FUCA1: variants seen among roughly 807,000 people sequenced by gnomAD.
FUCA1 encodes tissue alpha-L-fucosidase.
Under a neutral mutation model 56.8 loss-of-function variants are expected in FUCA1, and 52 were observed. That is an observed-to-expected ratio of 0.92 (90% CI 0.73 to 1.15). FUCA1 has a LOEUF of 1.15. Ranked by LOEUF, FUCA1 falls within the 50% of genes most tolerant of loss-of-function variation. The probability of loss-of-function intolerance (pLI) is 0.00; values close to 1 mark genes in which losing one functional copy is unlikely to be tolerated. For missense variants in FUCA1, 568 were observed against 592.6 expected (o/e 0.96, Z 0.43); for synonymous variants, 230 against 226.6 (o/e 1.02, Z -0.14).
intron 5 of FUCA1, among the ~76,000 whole-genome samples, chr1:23,849,531 G>T (rs1329203358): frequency 6.7e-6 from 1 of 148,680 alleles, no homozygotes; most frequent in Non-Finnish European, 1.5e-5. Context: ...CTATATAAAT[G>T]AACATGCTGC....
intron 6 of FUCA1, among the ~76,000 whole-genome samples, chr1:23,847,723 A>C (rs915293207): frequency 3.9e-5 from 6 of 152,078 alleles, no homozygotes; most frequent in Non-Finnish European, 8.8e-5. Flanking sequence ...TCTATTCTTT[A>C]AAAATTATCC....
intron 5 of FUCA1, among the ~76,000 whole-genome samples, chr1:23,853,440 G>A (rs1171561583): frequency 2.5e-4 from 37 of 150,756 alleles, no homozygotes; most frequent in African/African-American, 9.0e-4. Context: ...GGAGGGAGGT[G>A]GGGGGGTCAG....
At chr1:23,861,012 A>C (rs1398511630) in intron 3 of FUCA1, among the ~76,000 whole-genome samples, 1 of 151,944 alleles carries the variant, frequency 6.6e-6, no homozygotes, top group Non-Finnish European at 1.5e-5. Flanking sequence ...TCCTTTCAGC[A>C]ACTAATTCCA....
At chr1:23,861,416 T>A (rs984545857) in intron 3 of FUCA1, among the ~76,000 whole-genome samples, 32 of 149,314 alleles carry the variant, frequency 2.1e-4, no homozygotes, top group Middle Eastern at 3.2e-3. Flanking sequence ...TACACATGTA[T>A]CCTAAAACTT....
At position 23,845,740 on chromosome 1, in the gene FUCA1, G is replaced by A; in HGVS notation, c.1376C>T (p.Thr459Ile). 10 of 1,614,218 alleles carry A rather than the reference G, an allele frequency of 6.2e-6. No homozygotes were observed. The highest frequency in any genetic ancestry group is 7.6e-6 in the Non-Finnish European group (9 of 1,180,032). The change falls in exon 8 of 8, where the codon ACT (threonine) becomes ATT (isoleucine). Residue 459 changes from threonine to isoleucine, a missense_variant. Thr to Ile is a moderately conservative substitution (Grantham distance 89). Transcript: ENST00000374479. ...PSAVPAEFAWTIKLTGVK is the reference protein window; with the variant it reads ...PSAVPAEFAWIIKLTGVK ...TTACTTCACTCCTGTCAGCTTTATA[G>A]TCCAAGCAAACTCTGCGGGGACAGC...
rs372389044 is a variant in FUCA1 at position 23,859,794 on chromosome 1, A to T, written c.768+4T>A. On this transcript the variant is annotated splice_donor_region_variant and intron_variant, in intron 4 of 7. Coordinates refer to ENST00000374479, the MANE Select transcript of FUCA1 (RefSeq NM_000147.5). ...GATAAATAAGAAGTCATATAATCAC[A>T]TACCTTGACAGGGCTGTCATTGTAG... 1.9e-6 allele frequency: 3 copies of T among 1,581,202 alleles called. No homozygotes were observed. Among genetic ancestry groups the T allele is most frequent in the African/African-American group, 2.7e-5 (2 of 74,258 alleles).
At chr1:23,852,923 C>T (rs1639297006) in intron 5 of FUCA1, among the ~76,000 whole-genome samples, 1 of 151,850 alleles carries the variant, frequency 6.6e-6, no homozygotes, top group South Asian at 2.1e-4. Context: ...AGGAGCGTCT[C>T]TGCCTGGCCG....
In FUCA1 at chr1:23,867,707, T is replaced by C; in HGVS notation, c.389+191A>G. On this transcript the variant is annotated intron_variant, in intron 1 of 7. Coordinates refer to ENST00000374479, the MANE Select transcript of FUCA1 (RefSeq NM_000147.5). This position sits in a 1 kb window ranked among gnomAD's most constrained non-coding sequence, Gnocchi z 4.9. ...ATCTCCCTGAACCTTCATTTATCAG[T>C]CCCCAGTCAAACGCACCTCCTCCTC... 3 of 984,756 alleles carry C rather than the reference T, an allele frequency of 3.0e-6. No homozygotes were observed. Among genetic ancestry groups the C allele is most frequent in the Non-Finnish European group, 3.6e-6 (3 of 829,472 alleles). The allele number at this position is 984,756 out of a possible 1,614,324, so 61.0% of individuals were successfully genotyped here.
At chr1:23,848,599 C>T (rs777376594) in intron 6 of FUCA1, 50 bp downstream of exon 6, 35 of 1,573,306 alleles carry the variant, frequency 2.2e-5, no homozygotes, top group Non-Finnish European at 2.8e-5. Context: ...GATACCAGTT[C>T]CGGATGGGGC....
At position 23,862,847 on chromosome 1, in the gene FUCA1, T is replaced by C. The variant is rs1639536747; in HGVS notation, c.662+287A>G. ...CCAAACCACCCCCTCTCCAGGGTCC[T>C]GACATAGGGAAAACGGCATGTAAGA... On this transcript the variant is annotated intron_variant, in intron 3 of 7. Coordinates refer to ENST00000374479, the MANE Select transcript of FUCA1 (RefSeq NM_000147.5). Among the ~76,000 whole-genome samples, 7 of 152,230 alleles carry C rather than the reference T, an allele frequency of 4.6e-5. No homozygotes were observed. The South Asian group carries it at 1.4e-3, about 31-fold the overall frequency.
intron 4 of FUCA1, among the ~76,000 whole-genome samples, chr1:23,858,525 A>AC (rs1639441833): frequency 1.3e-5 from 2 of 152,216 alleles, no homozygotes; most frequent in African/African-American, 4.8e-5. Flanking sequence ...AAGTACGCTA[A>AC]AATACAAACT....
intron 4 of FUCA1, among the ~76,000 whole-genome samples, chr1:23,858,222 G>A (rs1303026380): frequency 6.6e-6 from 1 of 151,596 alleles, no homozygotes; most frequent in Non-Finnish European, 1.5e-5. Flanking sequence ...CCACTACCAC[G>A]CCTGGCTAAT....
At position 23,850,529 on chromosome 1, in the gene FUCA1, GCTGGAGTGCA is replaced by G. The variant is rs369633446; in HGVS notation, c.970-1700_970-1691del. ...GACGGAGTCTAGCTCTGTCACCCAGGCTGGAGTGCAGTGGCGCAATCTCAGCTCACTGCAA... is the reference window on the plus strand; with the variant it reads ...GACGGAGTCTAGCTCTGTCACCCAGGGTGGCGCAATCTCAGCTCACTGCAA... On this transcript the variant is annotated intron_variant, in intron 5 of 7. Transcript: ENST00000374479. 1.4e-3 allele frequency among the ~76,000 whole-genome samples: 215 copies of G among 151,986 alleles called. 2 individuals carry two copies. The highest frequency in any genetic ancestry group is 5.0e-3 in the African/African-American group (208 of 41,476).
chr1:23,866,642 A>G (rs1639629732), intron 1 of FUCA1, among the ~76,000 whole-genome samples: 1 of 152,252 alleles, frequency 6.6e-6, no homozygotes, highest in Admixed American at 6.5e-5. Context: ...TTAAAAATGT[A>G]AAAACCATTC....
At chr1:23,853,185 A>C (rs1204685412) in intron 5 of FUCA1, among the ~76,000 whole-genome samples, 1 of 146,654 alleles carries the variant, frequency 6.8e-6, no homozygotes, top group Non-Finnish European at 1.5e-5. Context: ...CTGGGAGGTG[A>C]GGAGCGTCTC....
chr1:23,847,475 A>G (rs150785582), intron 6 of FUCA1, among the ~76,000 whole-genome samples: 50 of 152,238 alleles, frequency 3.3e-4, no homozygotes, highest in Non-Finnish European at 6.0e-4. Flanking sequence ...CCCCAAATTC[A>G]TATGTCGATG....
chr1:23,859,724 G>A lies in FUCA1; in HGVS notation c.768+74C>T, dbSNP rs1639467529. 5 of 870,536 alleles carry A rather than the reference G, an allele frequency of 5.7e-6. No homozygotes were observed. In the South Asian group the frequency reaches 6.7e-5, roughly 12 times the overall value. 53.9% of individuals were successfully genotyped at this position (870,536 alleles called of 1,614,324 possible). On this transcript the variant is annotated intron_variant, in intron 4 of 7. Transcript: ENST00000374479. ...GTTTATTATTGCTGCTGCTGTGGTT[G>A]TCTACTCCAGAGTTTGGCTCCTTGC...
intron 2 of FUCA1, among the ~76,000 whole-genome samples, chr1:23,864,836 C>G (rs1426142971): frequency 6.6e-6 from 1 of 151,906 alleles, no homozygotes; most frequent in Non-Finnish European, 1.5e-5. Context: ...TCCCGAGTTG[C>G]TGGGACTACA....
At chr1:23,849,684 G>C (rs1639217743) in intron 5 of FUCA1, among the ~76,000 whole-genome samples, 1 of 145,026 alleles carries the variant, frequency 6.9e-6, no homozygotes, top group Non-Finnish European at 1.5e-5. Context: ...CTGGGTTCAA[G>C]TGATTCTCCT....
Sources: allele counts gnomAD v4.1 joint callset (sites outside exome capture counted in the v4.1 genomes callset), GRCh38; gene constraint gnomAD v4.1.1; non-coding constraint Gnocchi (gnomAD v3.1); transcripts MANE v1.5; gene names NCBI Gene and HGNC (gene_info 2026-07-23, HGNC 2026-07-21).